The following LRRC4C variants were observed in gnomAD, a reference collection of about 807,000 sequenced individuals.
LRRC4C encodes leucine rich repeat containing 4C, also known as leucine-rich repeat-containing protein 4C.
Under a neutral mutation model 33.6 loss-of-function variants are expected in LRRC4C, and 5 were observed. The observed-to-expected ratio is 0.15, with a 90% CI of 0.08 to 0.31. The LOEUF is 0.31. LRRC4C is among the 10% of genes least tolerant of loss of function. The pLI is 1.00. For missense variants in LRRC4C, 560 were observed against 796.7 expected (o/e 0.70, Z 3.58); for synonymous variants, 329 against 302.0 (o/e 1.09, Z -0.93).
At chr11:41,202,861 C>T (rs530403494) in intron 1 of LRRC4C, among the ~76,000 whole-genome samples, 10 of 151,774 alleles carry the variant, frequency 6.6e-5, no homozygotes, top group Non-Finnish European at 1.0e-4. Context: ...TCTCAGCTCT[C>T]TGCAACCTCC....
chr11:40,432,527 T>C (rs1590717955), intron 3 of LRRC4C, among the ~76,000 whole-genome samples: 2 of 152,216 alleles, frequency 1.3e-5, no homozygotes, highest in East Asian at 1.9e-4. Flanking sequence ...CGAAAACTAC[T>C]TGTTACTTAG....
rs866130729 is a variant in LRRC4C, at chr11:41,304,044, G to A, written c.-496+155387C>T. Among the ~76,000 whole-genome samples, 16 of 74,894 alleles carry A rather than the reference G, an allele frequency of 2.1e-4. No individual in the cohort carries two copies. The South Asian group carries it at 7.0e-3, about 33-fold the overall frequency. 49.1% of individuals were successfully genotyped at this position (74,894 alleles called of 152,430 possible). Reference sequence around the variant, plus strand: ...GCCAGCCGCCCCATCCGGGAGGGAGGTGGGGGGTCAGCCCCCCGCCCAGCC... The same window carrying A: ...GCCAGCCGCCCCATCCGGGAGGGAGATGGGGGGTCAGCCCCCCGCCCAGCC... On this transcript the variant is annotated intron_variant, in intron 1 of 6. Coordinates refer to ENST00000528697, the MANE Select transcript of LRRC4C (RefSeq NM_001258419.2).
intron 4 of LRRC4C, among the ~76,000 whole-genome samples, chr11:40,260,493 A>C (rs1339051019): frequency 1.3e-5 from 2 of 151,192 alleles, no homozygotes; most frequent in African/African-American, 2.4e-5. Context: ...AGCATGGCAC[A>C]TGTATACATA....
At chr11:41,160,327 C>G (rs1944413321) in intron 1 of LRRC4C, among the ~76,000 whole-genome samples, 1 of 151,078 alleles carries the variant, frequency 6.6e-6, no homozygotes, top group Admixed American at 6.6e-5. Flanking sequence ...CATGATCATA[C>G]CTGTGAATAG....
intron 2 of LRRC4C, among the ~76,000 whole-genome samples, chr11:40,666,088 A>G (rs770020173): frequency 6.6e-6 from 1 of 152,074 alleles, no homozygotes; most frequent in African/African-American, 2.4e-5. Flanking sequence ...ATGCCCTTCA[A>G]TTGAAGAATA....
chr11:41,396,045 G>C (rs1361332727), intron 1 of LRRC4C, among the ~76,000 whole-genome samples: 1 of 151,906 alleles, frequency 6.6e-6, no homozygotes, highest in Non-Finnish European at 1.5e-5. Flanking sequence ...GAGACTTTTT[G>C]CTATTTTTTT....
chr11:40,654,313 G>T (rs1273673137), intron 2 of LRRC4C, among the ~76,000 whole-genome samples: 1 of 152,148 alleles, frequency 6.6e-6, no homozygotes, highest in Non-Finnish European at 1.5e-5. Context: ...CTCAATCCTA[G>T]CCCATGAAAG....
At chr11:40,643,917 A>T (rs1169570400) in intron 3 of LRRC4C, among the ~76,000 whole-genome samples, 1 of 152,202 alleles carries the variant, frequency 6.6e-6, no homozygotes, top group East Asian at 1.9e-4. Flanking sequence ...GAATCTCATA[A>T]TATCATACTC....
intron 4 of LRRC4C, among the ~76,000 whole-genome samples, chr11:40,290,127 G>C (rs1266487481): frequency 2.0e-5 from 3 of 152,154 alleles, no homozygotes; most frequent in African/African-American, 7.2e-5. Flanking sequence ...TGTGAAGCCA[G>C]GAACTCAACT....
At chr11:40,974,649 A>C (rs542493031) in intron 1 of LRRC4C, among the ~76,000 whole-genome samples, 2 of 152,366 alleles carry the variant, frequency 1.3e-5, no homozygotes, top group South Asian at 4.1e-4. Flanking sequence ...GGGAATTGGT[A>C]AAGCATTACA....
At chr11:40,626,292 A>C (rs1300375847) in intron 3 of LRRC4C, among the ~76,000 whole-genome samples, 1 of 152,088 alleles carries the variant, frequency 6.6e-6, no homozygotes, top group Non-Finnish European at 1.5e-5. Flanking sequence ...CAATTTTCCT[A>C]GCCATACTAG....
chr11:40,573,560 T>G (rs1958065978), intron 3 of LRRC4C, among the ~76,000 whole-genome samples: 1 of 152,142 alleles, frequency 6.6e-6, no homozygotes, highest in Admixed American at 6.6e-5. Flanking sequence ...TTTCAGAAAT[T>G]TATGAGCCCC....
intron 3 of LRRC4C, among the ~76,000 whole-genome samples, chr11:40,573,434 G>A (rs1435811388): frequency 1.3e-5 from 2 of 152,064 alleles, no homozygotes; most frequent in African/African-American, 4.8e-5. Context: ...ATGCCTCTGT[G>A]ACTTTGCATA....
chr11:41,166,108 G>C (rs1483976995), intron 1 of LRRC4C, among the ~76,000 whole-genome samples: 3 of 150,956 alleles, frequency 2.0e-5, no homozygotes, highest in Non-Finnish European at 4.4e-5. Context: ...TGCTATATGG[G>C]TTTTAAATCT....
chr11:40,177,278 G>A (rs1860587430), intron 5 of LRRC4C, among the ~76,000 whole-genome samples: 1 of 152,064 alleles, frequency 6.6e-6, no homozygotes, highest in African/African-American at 2.4e-5. Flanking sequence ...TCAACAAAAT[G>A]ATGAGGATAC....
chr11:41,034,614 T>C (rs1465990686), intron 1 of LRRC4C, among the ~76,000 whole-genome samples: 7 of 33,454 alleles, frequency 2.1e-4, no homozygotes, highest in African/African-American at 3.4e-4. Flanking sequence ...GACGTATATA[T>C]ATATATATAT....
At chr11:40,846,150 T>C (rs934163403) in intron 2 of LRRC4C, among the ~76,000 whole-genome samples, 1 of 152,268 alleles carries the variant, frequency 6.6e-6, no homozygotes, top group Non-Finnish European at 1.5e-5. Flanking sequence ...CTGATGATAG[T>C]TTCTTTTGCT....
chr11:40,731,554 A>G (rs540380607), intron 2 of LRRC4C, among the ~76,000 whole-genome samples: 4 of 152,284 alleles, frequency 2.6e-5, no homozygotes, highest in African/African-American at 7.2e-5. Flanking sequence ...GTATTTCTTT[A>G]TAGCAATGCA....
chr11:40,573,716 G>T (rs1958072426), intron 3 of LRRC4C, among the ~76,000 whole-genome samples: 1 of 152,114 alleles, frequency 6.6e-6, no homozygotes, highest in Admixed American at 6.5e-5. Flanking sequence ...TGAAAGATTG[G>T]CAATAAATGT....
Sources: allele counts gnomAD v4.1 joint callset (sites outside exome capture counted in the v4.1 genomes callset), GRCh38; gene constraint gnomAD v4.1.1; transcripts MANE v1.5; gene names NCBI Gene and HGNC (gene_info 2026-07-23, HGNC 2026-07-21).